The following DIP2B variants were observed in gnomAD, a reference collection of about 807,000 sequenced individuals.
The protein encoded by DIP2B is DIP2 acetate--CoA ligase B (putative), also known as disco-interacting protein 2 homolog B.
A neutral mutation model predicts 198.0 loss-of-function variants in DIP2B; 76 were observed. The ratio of observed to expected loss-of-function variants is 0.38; its 90% CI spans 0.32 to 0.46. The LOEUF (loss-of-function observed/expected upper bound fraction) is 0.46, where lower values mean the gene tolerates loss of function less well. DIP2B is among the 20% of genes least tolerant of loss of function. DIP2B has a pLI of 0.99. For missense variants in DIP2B, 1,559 were observed against 1,978.4 expected (o/e 0.79, Z 4.02); for synonymous variants, 701 against 739.1 (o/e 0.95, Z 0.84).
At chr12:50,555,905 G>C (rs1274783494) in intron 1 of DIP2B, among the ~76,000 whole-genome samples, 1 of 152,076 alleles carries the variant, frequency 6.6e-6, no homozygotes, top group Non-Finnish European at 1.5e-5. Context: ...GGATAGCCTG[G>C]CCATGTTTGT....
At chr12:50,572,552 A>G (rs984721452) in intron 1 of DIP2B, among the ~76,000 whole-genome samples, 3 of 152,202 alleles carry the variant, frequency 2.0e-5, no homozygotes, top group African/African-American at 7.2e-5. Context: ...TTGAGGGATA[A>G]GAAAATGAAC....
chr12:50,531,895 T>C (rs1280260870), intron 1 of DIP2B, among the ~76,000 whole-genome samples: 1 of 152,172 alleles, frequency 6.6e-6, no homozygotes, highest in Non-Finnish European at 1.5e-5. Flanking sequence ...CAACAAATAT[T>C]TGATGGCCAA....
chr12:50,695,220 A>T (rs1428446835), intron 14 of DIP2B, 47 bp from the exon 15 acceptor site: 1 of 1,489,340 alleles, frequency 6.7e-7, no homozygotes, highest in African/African-American at 1.4e-5. Context: ...TAAAATACTA[A>T]GTATGTATTT....
At chr12:50,682,876 A>G (rs1565869601) in intron 9 of DIP2B, among the ~76,000 whole-genome samples, 1 of 152,208 alleles carries the variant, frequency 6.6e-6, no homozygotes. Flanking sequence ...TAAATCACCA[A>G]AAGGATTAAG....
At chr12:50,698,675 A>G (rs1939362842) in intron 18 of DIP2B, among the ~76,000 whole-genome samples, 1 of 152,218 alleles carries the variant, frequency 6.6e-6, no homozygotes, top group Non-Finnish European at 1.5e-5. Context: ...GAATGCTTCA[A>G]GTCCATTTCT....
chr12:50,536,381 C>T lies in DIP2B; in HGVS notation c.100+31141C>T, dbSNP rs902478954. ...GATTGCTTGAGCCCAGGAGGGAAGG[C>T]TGCAGTGATCATAGCAGTGAGCTAT... is the stretch of plus-strand genomic sequence containing the variant. On this transcript the variant is annotated intron_variant, in intron 1 of 37. Coordinates refer to ENST00000301180, the MANE Select transcript of DIP2B (RefSeq NM_173602.3). Among the ~76,000 whole-genome samples the T allele has an allele frequency of 5.3e-4, 80 of 152,246 alleles. 1 individual carries two copies. The highest frequency in any genetic ancestry group is 1.0e-3 in the Non-Finnish European group (71 of 68,008).
intron 1 of DIP2B, among the ~76,000 whole-genome samples, chr12:50,583,301 G>GT (rs140411549): frequency 0.071 from 10,465 of 148,034 alleles, 785 homozygotes; most frequent in East Asian, 0.36. Flanking sequence ...ACATCTACAC[G>GT]TTTTTTTTTT....
At chr12:50,704,034 T>TA in intron 19 of DIP2B, 106 bp from the exon 20 acceptor site, 1 of 869,350 alleles carries the variant, frequency 1.2e-6, no homozygotes, top group Non-Finnish European at 1.8e-6. Context: ...GATTCACTAT[T>TA]ACATTATTTT....
In DIP2B at chr12:50,745,965, C is replaced by G. The variant is rs1592152708; in HGVS notation, c.*1126C>G. On this transcript the variant is annotated 3_prime_UTR_variant, in exon 38 of 38. Coordinates refer to ENST00000301180, the MANE Select transcript of DIP2B (RefSeq NM_173602.3). ...GGGGTTTAAAACAAGAATGATAGGC[C>G]AGGAAGGCAGTGGGGATCCACCATC... The G allele has an allele frequency of 6.6e-6, 1 of 152,188 alleles. No individual in the cohort carries two copies. The highest frequency in any genetic ancestry group is 1.9e-4 in the East Asian group (1 of 5,200). 9.4% of individuals were successfully genotyped at this position (152,188 alleles called of 1,614,324 possible). A position where few individuals can be genotyped will look rare whatever the true frequency, so the allele number is the denominator to read the frequency against.
intron 1 of DIP2B, among the ~76,000 whole-genome samples, chr12:50,536,891 GT>G (rs1280640222): frequency 1.3e-5 from 2 of 149,324 alleles, no homozygotes; most frequent in Non-Finnish European, 3.0e-5. Context: ...ATGTTGAACT[GT>G]CTTAATGCAA....
In DIP2B at chr12:50,695,860, T is replaced by G; in HGVS notation, c.1826T>G (p.Leu609Ter). The G allele has an allele frequency of 6.2e-7, 1 of 1,614,118 alleles. No homozygotes were observed. Among genetic ancestry groups the G allele is most frequent in the Non-Finnish European group, 8.5e-7 (1 of 1,179,930 alleles). Residue 609 changes from leucine (L) to a stop codon, truncating the protein, a stop_gained, in exon 16 of 38, where the codon TTA becomes TGA. Transcript: ENST00000301180. LOFTEE classifies it high-confidence loss of function. ...RVHAHKAKVA[L>*]VKCRDLHWAM... is the part of the protein sequence containing the mutation. ...TTTGAATTTATAGCCAAGGTAGCTT[T>G]AGTAAAATGTCGGGACTTGCACTGG...
Position 50,718,728 on chromosome 12 carries a change from G to A in DIP2B, c.2871G>A (p.Val957=), listed in dbSNP as rs770964420. 1 of 1,614,166 alleles carries A rather than the reference G, an allele frequency of 6.2e-7. No homozygotes were observed. The highest frequency in any genetic ancestry group is 1.6e-4 in the Middle Eastern group (1 of 6,062). Residue 957 remains valine, a synonymous_variant, in exon 24 of 38, where the codon GTG becomes GTA. Coordinates refer to ENST00000301180, the MANE Select transcript of DIP2B (RefSeq NM_173602.3). ...QKQPGVGPAS[V]MVGNLVAGKR... ...TTACAGGTGTAGGCCCTGCTTCCGT[G>A]ATGGTTGGGAATCTGGTTGCTGGAA...
At chr12:50,737,940 A>G (rs929382774) in intron 35 of DIP2B, among the ~76,000 whole-genome samples, 41 of 152,142 alleles carry the variant, frequency 2.7e-4, no homozygotes, top group Non-Finnish European at 5.7e-4. Context: ...GAATGGGAGG[A>G]GTCCTGTAAG....
chr12:50,514,167 G>A (rs938172659), intron 1 of DIP2B, among the ~76,000 whole-genome samples: 2 of 149,410 alleles, frequency 1.3e-5, no homozygotes, highest in Non-Finnish European at 3.0e-5. Context: ...CCGGGTTCAA[G>A]CGATTCTCCT....
At chr12:50,632,735 C>T (rs1396153147) in intron 2 of DIP2B, among the ~76,000 whole-genome samples, 1 of 151,620 alleles carries the variant, frequency 6.6e-6, no homozygotes, top group Non-Finnish European at 1.5e-5. Context: ...CAAGGTTTCA[C>T]CATGTTGGCC....
At chr12:50,563,396 A>G (rs1283708429) in intron 1 of DIP2B, among the ~76,000 whole-genome samples, 1 of 151,012 alleles carries the variant, frequency 6.6e-6, no homozygotes, top group African/African-American at 2.4e-5. Flanking sequence ...CATATTGCCC[A>G]GGCTGGTCTT....
chr12:50,715,456 CA>C (rs1326739415), intron 23 of DIP2B, among the ~76,000 whole-genome samples: 7 of 152,200 alleles, frequency 4.6e-5, no homozygotes, highest in African/African-American at 1.4e-4. Flanking sequence ...AGCAACAAAG[CA>C]AGCCAAGCCA....
intron 1 of DIP2B, among the ~76,000 whole-genome samples, chr12:50,565,015 T>G (rs1958551337): frequency 6.6e-6 from 1 of 152,170 alleles, no homozygotes; most frequent in Admixed American, 6.6e-5. Context: ...GCCACTATTT[T>G]TTTTTTGGAG....
chr12:50,727,553 G>A (rs1202754072), intron 28 of DIP2B, 150 bp from the exon 29 acceptor site: 1 of 685,538 alleles, frequency 1.5e-6, no homozygotes, highest in Non-Finnish European at 2.6e-6. Context: ...CTCTAAGAAT[G>A]ACATATGTGA....
Sources: gnomAD v4.1 joint callset for allele counts (sites outside exome capture counted in the v4.1 genomes callset) on GRCh38, gnomAD v4.1.1 for gene constraint, MANE v1.5 for transcripts, NCBI Gene and HGNC (gene_info 2026-07-23, HGNC 2026-07-21) for gene names.